ABI3BP: variants seen among roughly 807,000 people sequenced by gnomAD.
The protein encoded by ABI3BP is ABI family member 3 binding protein, also known as target of Nesh-SH3.
A neutral mutation model predicts 268.6 loss-of-function variants in ABI3BP; 216 were observed. The ratio of observed to expected loss-of-function variants is 0.80; its 90% CI spans 0.72 to 0.90. The LOEUF (loss-of-function observed/expected upper bound fraction) is 0.90. ABI3BP is among the 40% of genes least tolerant of loss of function. ABI3BP has a pLI of 0.00. For missense variants in ABI3BP, 2,090 were observed against 2,182.4 expected (o/e 0.96, Z 0.84); for synonymous variants, 730 against 730.0 (o/e 1.00, Z 0.00).
At chr3:100,905,866 T>TA (rs1211908758) in intron 2 of ABI3BP, among the ~76,000 whole-genome samples, 5 of 152,080 alleles carry the variant, frequency 3.3e-5, no homozygotes, top group Non-Finnish European at 7.4e-5. Flanking sequence ...AATAAATAAA[T>TA]AAAATCATGA....
chr3:100,919,787 C>A (rs149358968), intron 2 of ABI3BP, among the ~76,000 whole-genome samples: 8 of 152,130 alleles, frequency 5.3e-5, no homozygotes, highest in African/African-American at 1.9e-4. Context: ...TTTGAATAAG[C>A]GATTGAAAAA....
chr3:100,956,391 C>T (rs919299489), intron 1 of ABI3BP, among the ~76,000 whole-genome samples: 4 of 152,054 alleles, frequency 2.6e-5, no homozygotes, highest in Non-Finnish European at 4.4e-5. Flanking sequence ...AACTAATTCT[C>T]ACCAGTAGGT....
At chr3:100,811,342 A>G in intron 47 of ABI3BP, 65 bp from the exon 48 acceptor site, 2 of 1,197,344 alleles carry the variant, frequency 1.7e-6, no homozygotes, top group Non-Finnish European at 2.3e-6. Flanking sequence ...CATTTTTTTG[A>G]ATATCAAATT....
At chr3:100,769,593 G>C (rs1336228817) in intron 62 of ABI3BP, among the ~76,000 whole-genome samples, 3 of 152,146 alleles carry the variant, frequency 2.0e-5, no homozygotes, top group African/African-American at 7.2e-5. Context: ...TTAGTTTCAT[G>C]AGAACTAAGC....
At chr3:100,906,253 T>C (rs1396856468) in intron 2 of ABI3BP, among the ~76,000 whole-genome samples, 1 of 152,240 alleles carries the variant, frequency 6.6e-6, no homozygotes, top group Non-Finnish European at 1.5e-5. Flanking sequence ...CATATGGTTA[T>C]ATGAGCAATT....
In ABI3BP at chr3:100,874,842, T is replaced by TA. The variant is rs1392293675; in HGVS notation, c.908dup (p.Leu303PhefsTer3). On this transcript the variant is annotated frameshift_variant and splice_region_variant, in exon 9 of 68. Coordinates refer to ENST00000471714, the MANE Select transcript of ABI3BP (RefSeq NM_001375547.2). LOFTEE classifies it high-confidence loss of function. ...CAAATACAAAACTTTTCTGCTTACC[T>TA]AATTGTGTCTTGAGTGCATCTGAAA... The TA allele has an allele frequency of 6.3e-7, 1 of 1,581,044 alleles. No individual in the cohort carries two copies. The highest frequency in any genetic ancestry group is 1.3e-5 in the African/African-American group (1 of 74,466).
chr3:100,784,723 C>G (rs1211700552), intron 57 of ABI3BP, among the ~76,000 whole-genome samples: 1 of 152,128 alleles, frequency 6.6e-6, no homozygotes, highest in Non-Finnish European at 1.5e-5. Context: ...ATGATAACGT[C>G]TTTTGCAGCA....
At chr3:100,834,606 A>C in intron 29 of ABI3BP, 78 bp downstream of exon 29, 1 of 1,357,154 alleles carries the variant, frequency 7.4e-7, no homozygotes. Flanking sequence ...AGTGGGTTAT[A>C]AAGTGGCATG....
At chr3:100,827,167 A>G (rs2098402467) in intron 34 of ABI3BP, among the ~76,000 whole-genome samples, 1 of 152,126 alleles carries the variant, frequency 6.6e-6, no homozygotes, top group Non-Finnish European at 1.5e-5. Context: ...AAAATCTTTA[A>G]TTTGCAAAAA....
intron 14 of ABI3BP, among the ~76,000 whole-genome samples, chr3:100,855,913 C>T (rs989839547): frequency 7.2e-5 from 11 of 152,134 alleles, no homozygotes; most frequent in African/African-American, 2.4e-4. Flanking sequence ...TTCTAGTTGG[C>T]CTGGAAATTT....
chr3:100,778,571 G>A (rs2096777230), intron 58 of ABI3BP, 195 bp from the exon 59 acceptor site: 1 of 596,934 alleles, frequency 1.7e-6, no homozygotes, highest in Non-Finnish European at 2.9e-6. Context: ...ATGTCCCCAG[G>A]GACAACAACG....
intron 45 of ABI3BP, 129 bp downstream of exon 45, chr3:100,813,532 T>C: frequency 1.6e-6 from 1 of 614,452 alleles, no homozygotes; most frequent in South Asian, 2.9e-5. Flanking sequence ...AAAAGAGCAT[T>C]GTGCAATATT....
At chr3:100,940,786 C>CTATATATATATATATATATATATA (rs1167503911) in intron 1 of ABI3BP, among the ~76,000 whole-genome samples, 2 of 10,144 alleles carry the variant, frequency 2.0e-4, no homozygotes, top group African/African-American at 3.1e-4. Context: ...AATTACTTCA[C>CTATATATATATATATATATATATA]TATATATATA....
At chr3:100,774,508 T>TA (rs933022380) in intron 61 of ABI3BP, 97 bp downstream of exon 61, 1 of 873,440 alleles carries the variant, frequency 1.1e-6, no homozygotes, top group African/African-American at 1.7e-5. Context: ...TATAATAGGC[T>TA]ACTAAGATTT....
intron 1 of ABI3BP, among the ~76,000 whole-genome samples, chr3:100,982,700 C>T (rs1314640632): frequency 1.3e-5 from 2 of 151,850 alleles, no homozygotes; most frequent in Admixed American, 1.3e-4. Flanking sequence ...CCTTTTAATT[C>T]TTGTAAAAAG....
In ABI3BP at chr3:100,869,330, G is replaced by GTTTTTTTTTTTTTTTTTTTTTTTTT. The variant is rs144604645; in HGVS notation, c.911-2399_911-2375dup. 2.3e-3 allele frequency among the ~76,000 whole-genome samples: 113 copies of GTTTTTTTTTTTTTTTTTTTTTTTTT among 49,760 alleles called. 21 individuals are homozygous for GTTTTTTTTTTTTTTTTTTTTTTTTT. The highest frequency in any genetic ancestry group is 5.4e-3 in the East Asian group (7 of 1,294). 32.6% of individuals were successfully genotyped at this position (49,760 alleles called of 152,430 possible). ...ATATTGTTTTTTCTTCTTCTTTTTG[G>GTTTTTTTTTTTTTTTTTTTTTTTTT]TTTTTTTTTTTTTTTTTTTTTTTTT... On this transcript the variant is annotated intron_variant, in intron 9 of 67. Coordinates refer to ENST00000471714, the MANE Select transcript of ABI3BP (RefSeq NM_001375547.2).
intron 14 of ABI3BP, among the ~76,000 whole-genome samples, chr3:100,860,363 G>A (rs141404886): frequency 6.6e-6 from 1 of 152,322 alleles, no homozygotes; most frequent in Non-Finnish European, 1.5e-5. Flanking sequence ...TGTCTAGAGA[G>A]GGTGGGGAGT....
At chr3:100,875,015 C>T (rs2099146500) in intron 8 of ABI3BP, 82 bp from the exon 9 acceptor site, 1 of 766,300 alleles carries the variant, frequency 1.3e-6, no homozygotes, top group South Asian at 2.0e-5. Context: ...TCAGATATTA[C>T]AAACTATGAA....
chr3:100,785,252 C>A (rs991118), intron 57 of ABI3BP, among the ~76,000 whole-genome samples: 2 of 151,858 alleles, frequency 1.3e-5, no homozygotes, highest in African/African-American at 4.8e-5. Flanking sequence ...CCATTTAACA[C>A]AAAAATGATG....
Sources: allele counts gnomAD v4.1 joint callset (sites outside exome capture counted in the v4.1 genomes callset), GRCh38; gene constraint gnomAD v4.1.1; transcripts MANE v1.5; gene names NCBI Gene and HGNC (gene_info 2026-07-23, HGNC 2026-07-21).